Variants in FUT9 observed in about 807,000 individuals in gnomAD.
FUT9 encodes the protein 4-galactosyl-N-acetylglucosaminide 3-alpha-L-fucosyltransferase 9.
FUT9 carries 15 observed loss-of-function variants against 29.7 expected under a neutral mutation model. The ratio of observed to expected loss-of-function variants is 0.51; its 90% confidence interval spans 0.34 to 0.78. The LOEUF is 0.78. FUT9 is among the 30% of genes least tolerant of loss of function. FUT9 has a pLI of 0.01. For missense variants in FUT9, 319 were observed against 425.4 expected (o/e 0.75, Z 2.20); for synonymous variants, 169 against 153.7 (o/e 1.10, Z -0.74).
chr6:96,192,375 T>G (rs986049865), intron 2 of FUT9, among the ~76,000 whole-genome samples: 13 of 152,110 alleles, frequency 8.5e-5, no homozygotes, highest in African/African-American at 3.1e-4. Context: ...AAAATCAATG[T>G]GCAAAAATCA....
chr6:96,074,117 C>T (rs963328261), intron 1 of FUT9, among the ~76,000 whole-genome samples: 12 of 152,030 alleles, frequency 7.9e-5, no homozygotes, highest in African/African-American at 1.9e-4. Context: ...ATTATCTCAC[C>T]GAATATTAGC....
At chr6:96,113,723 G>A (rs897014046) in intron 1 of FUT9, among the ~76,000 whole-genome samples, 2 of 151,452 alleles carry the variant, frequency 1.3e-5, no homozygotes, top group Admixed American at 6.6e-5. Flanking sequence ...GCGTGGTGGC[G>A]GGCGCCTGTA....
rs1192062053 is a variant in FUT9 at position 96,209,135 on chromosome 6, A to T, written c.*4900A>T. ...AAACTAATTTTGAGAGAGCCACTTAACCTCTCTGGACCTTGTTTGTAAGCT... is the reference window on the plus strand; with the variant it reads ...AAACTAATTTTGAGAGAGCCACTTATCCTCTCTGGACCTTGTTTGTAAGCT... On this transcript the variant is annotated 3_prime_UTR_variant, in exon 3 of 3. Coordinates refer to ENST00000302103, the MANE Select transcript of FUT9 (RefSeq NM_006581.4). The T allele has an allele frequency of 6.0e-6, 1 of 166,814 alleles. No homozygotes were observed. The highest frequency in any genetic ancestry group is 2.4e-5 in the African/African-American group (1 of 41,410). The allele number at this position is 166,814 out of a possible 1,614,324, so 10.3% of individuals were successfully genotyped here.
chr6:96,189,899 C>T (rs1314942125), intron 2 of FUT9, among the ~76,000 whole-genome samples: 2 of 152,066 alleles, frequency 1.3e-5, no homozygotes, highest in South Asian at 2.1e-4. Flanking sequence ...GCATTTAGCC[C>T]ATTTACATTT....
Position 96,212,601 on chromosome 6 carries a change from T to C in FUT9, c.*8366T>C, listed in dbSNP as rs139961371. The C allele has an allele frequency of 1.6e-3, 577 of 356,922 alleles. 3 individuals are homozygous for C. Among genetic ancestry groups the C allele is most frequent in the African/African-American group, 9.9e-3 (470 of 47,594 alleles). The allele number at this position is 356,922 out of a possible 1,614,324, so 22.1% of individuals were successfully genotyped here. A position where few individuals can be genotyped will look rare whatever the true frequency, so the allele number is the denominator to read the frequency against. On this transcript the variant is annotated 3_prime_UTR_variant, in exon 3 of 3. Coordinates refer to ENST00000302103, the MANE Select transcript of FUT9 (RefSeq NM_006581.4). ...ATTGTGACAATATAAAATGGCATTG[T>C]TATAGAATCCCTAAAAGGTAAATAA... is the stretch of plus-strand genomic sequence containing the variant.
intron 1 of FUT9, among the ~76,000 whole-genome samples, chr6:96,105,571 G>T (rs1357521739): frequency 6.6e-5 from 10 of 152,120 alleles, no homozygotes; most frequent in Non-Finnish European, 1.0e-4. Context: ...TTTGATTATT[G>T]ATTTCCCAAG....
intron 2 of FUT9, among the ~76,000 whole-genome samples, chr6:96,163,637 T>C (rs4443515): frequency 0.91 from 138,778 of 152,198 alleles, 64,638 homozygotes; most frequent in Non-Finnish European, 1. Context: ...ATGAAGCATC[T>C]CTGGAGTCTC....
intron 1 of FUT9, among the ~76,000 whole-genome samples, chr6:96,058,028 G>C (rs1479936423): frequency 6.6e-6 from 1 of 151,886 alleles, no homozygotes; most frequent in Non-Finnish European, 1.5e-5. Context: ...ATCTCATCTG[G>C]ACTGCTGCTT....
At chr6:96,199,344 C>T (rs150208317) in intron 2 of FUT9, among the ~76,000 whole-genome samples, 206 of 152,094 alleles carry the variant, frequency 1.4e-3, no homozygotes, top group African/African-American at 4.8e-3. Context: ...TTGACAGTTC[C>T]GTACAAAGTA....
At chr6:96,018,094 G>T (rs1201974259) in intron 1 of FUT9, among the ~76,000 whole-genome samples, 11 of 152,196 alleles carry the variant, frequency 7.2e-5, no homozygotes, top group Non-Finnish European at 1.2e-4. Flanking sequence ...GTCAAGAGGG[G>T]CTGTGAATAA....
chr6:96,098,285 T>C (rs987754671), intron 1 of FUT9, among the ~76,000 whole-genome samples: 7 of 152,154 alleles, frequency 4.6e-5, no homozygotes, highest in Admixed American at 3.9e-4. Flanking sequence ...TCAATGTTCT[T>C]GATTTTGGAG....
At chr6:96,085,813 A>G (rs1030968052) in intron 1 of FUT9, among the ~76,000 whole-genome samples, 4 of 152,102 alleles carry the variant, frequency 2.6e-5, no homozygotes, top group Admixed American at 6.6e-5. Flanking sequence ...ATTGCTTCTA[A>G]TTGCTTTATA....
chr6:96,118,348 G>T (rs1771953557), intron 2 of FUT9, among the ~76,000 whole-genome samples: 1 of 151,696 alleles, frequency 6.6e-6, no homozygotes, highest in South Asian at 2.1e-4. Context: ...ATATAGTCAT[G>T]CACTGCATAA....
chr6:96,065,539 G>T (rs1412347180), intron 1 of FUT9, among the ~76,000 whole-genome samples: 5 of 152,040 alleles, frequency 3.3e-5, no homozygotes, highest in Non-Finnish European at 5.9e-5. Flanking sequence ...ATGTTAATAA[G>T]TACAATATTG....
chr6:96,202,016 CT>C (rs1293272410), intron 2 of FUT9, among the ~76,000 whole-genome samples: 1 of 151,624 alleles, frequency 6.6e-6, no homozygotes, highest in East Asian at 1.9e-4. Flanking sequence ...TGTTTCTATG[CT>C]AGTTTCTGTC....
At chr6:96,138,420 C>CA (rs1204145321) in intron 2 of FUT9, among the ~76,000 whole-genome samples, 1 of 149,326 alleles carries the variant, frequency 6.7e-6, no homozygotes, top group Non-Finnish European at 1.5e-5. Context: ...TATGGCTTTC[C>CA]AAAAAAGGAT....
intron 2 of FUT9, among the ~76,000 whole-genome samples, chr6:96,117,384 A>T (rs559561135): frequency 1.3e-5 from 2 of 152,342 alleles, no homozygotes; most frequent in African/African-American, 4.8e-5. Flanking sequence ...ATCTATTTTT[A>T]TTTTAAAATA....
chr6:96,048,971 CCTTT>C (rs1770615452), intron 1 of FUT9, among the ~76,000 whole-genome samples: 1 of 152,166 alleles, frequency 6.6e-6, no homozygotes, highest in Admixed American at 6.6e-5. Context: ...GCTTCACTCT[CCTTT>C]CTTCTGGGAT....
At position 96,203,273 on chromosome 6, in the gene FUT9, C is replaced by T; in HGVS notation, c.118C>T (p.Pro40Ser). 1 of 1,613,872 alleles carries T rather than the reference C, an allele frequency of 6.2e-7. No homozygotes were observed. The highest frequency in any genetic ancestry group is 8.5e-7 in the Non-Finnish European group (1 of 1,179,900). Residue 40 changes from proline (P) to serine (S), a missense_variant, in exon 3 of 3, where the codon CCA becomes TCA. Pro to Ser is a moderately conservative substitution (Grantham distance 74, BLOSUM62 -1). Coordinates refer to ENST00000302103, the MANE Select transcript of FUT9 (RefSeq NM_006581.4). ...IKPTNSWIFSPMESASSVLKM... is the reference protein window; with the variant it reads ...IKPTNSWIFSSMESASSVLKM... ...ACCTACCAACAGCTGGATCTTCAGTCCAATGGAATCAGCCAGCTCTGTGCT... is the reference window on the plus strand; with the variant it reads ...ACCTACCAACAGCTGGATCTTCAGTTCAATGGAATCAGCCAGCTCTGTGCT...
Sources: allele counts gnomAD v4.1 joint callset (sites outside exome capture counted in the v4.1 genomes callset), GRCh38; gene constraint gnomAD v4.1.1; transcripts MANE v1.5; gene names NCBI Gene and HGNC (gene_info 2026-07-23, HGNC 2026-07-21).